The following CAMK1 variants were observed in gnomAD, a reference collection of about 807,000 sequenced individuals.
CAMK1 encodes the protein calcium/calmodulin dependent protein kinase I.
Under a neutral mutation model 49.1 loss-of-function variants are expected in CAMK1, and 39 were observed. The observed-to-expected ratio is 0.79, with a 90% CI of 0.62 to 1.04. The LOEUF is 1.04. Ranked by LOEUF, CAMK1 falls within the 50% of genes least tolerant of loss-of-function variation. The pLI is 0.00. For missense variants in CAMK1, 457 were observed against 472.2 expected (o/e 0.97, Z 0.30); for synonymous variants, 192 against 185.2 (o/e 1.04, Z -0.30).
chr3:9,759,909 C>A (rs1383674102), intron 8 of CAMK1, 159 bp from the exon 9 acceptor site: 19 of 1,186,000 alleles, frequency 1.6e-5, no homozygotes, highest in Admixed American at 9.3e-5. Flanking sequence ...TCTTCAGGCC[C>A]TCCCACCCCG....
At chr3:9,764,628 G>GTTTTTTTTTT (rs55972033) in intron 3 of CAMK1, among the ~76,000 whole-genome samples, 12 of 92,308 alleles carry the variant, frequency 1.3e-4, no homozygotes, top group South Asian at 3.7e-4. Context: ...TTTTTTTTTT[G>GTTTTTTTTTT]TTTTTTTTTT....
chr3:9,757,653 A>AG lies in CAMK1; in HGVS notation c.1031-33dup, dbSNP rs1384964812. 6.2e-7 allele frequency: 1 copy of AG among 1,614,056 alleles called. No individual in the cohort carries two copies. The highest frequency in any genetic ancestry group is 1.1e-5 in the South Asian group (1 of 91,090). ...GGGAAGACAGAACAGAGGTGGCCGC[A>AG]GGGGCAGGCCCTCCACTCCAGCCCG... On this transcript the variant is annotated intron_variant, in intron 11 of 11. Transcript: ENST00000256460. The surrounding 1 kb of genome is among the most constrained non-coding windows in gnomAD (Gnocchi z 4.5).
At position 9,760,761 on chromosome 3, in the gene CAMK1, C is replaced by T. The variant is rs755492997; in HGVS notation, c.640G>A (p.Gly214Ser). The T allele has an allele frequency of 8.7e-6, 14 of 1,613,954 alleles. No individual in the cohort carries two copies. In the South Asian group the frequency reaches 8.8e-5, roughly 10 times the overall value. Residue 214 changes from glycine to serine, a missense_variant, in exon 8 of 12, where the codon GGT becomes AGT. Gly to Ser is a moderately conservative substitution (Grantham distance 56, BLOSUM62 0). Coordinates refer to ENST00000256460, the MANE Select transcript of CAMK1 (RefSeq NM_003656.5). ...IGVIAYILLC[G>S]YPPFYDENDA... The stretch of plus-strand genomic sequence containing the variant: ...TTCTCGTCATAGAAGGGAGGGTAAC[C>T]GCAGAGCCTGGGCAGGGAGAAACTC...
chr3:9,766,789 GT>G (rs1195195259), intron 2 of CAMK1: 2 of 248,518 alleles, frequency 8.0e-6, no homozygotes, highest in East Asian at 3.0e-4. Flanking sequence ...AGTTACTGTA[GT>G]AACCTCATCA....
chr3:9,769,393 C>T (rs567078064), intron 1 of CAMK1, among the ~76,000 whole-genome samples: 1 of 152,126 alleles, frequency 6.6e-6, no homozygotes, highest in Admixed American at 6.5e-5. Flanking sequence ...TTGTACACCC[C>T]CTCCTAACTC....
In CAMK1 at chr3:9,758,882, G is replaced by A. The variant is rs148621728; in HGVS notation, c.912+606C>T. On this transcript the variant is annotated intron_variant, in intron 10 of 11. Coordinates refer to ENST00000256460, the MANE Select transcript of CAMK1 (RefSeq NM_003656.5). ...TGACCTCAGGTGATCCAACCACCTC[G>A]GCCTCCCAAAGTGCTGGGATTACAG... 4.8e-3 allele frequency: 1,738 copies of A among 360,412 alleles called. 8 individuals are homozygous for A. The highest frequency in any genetic ancestry group is 0.013 in the Middle Eastern group (14 of 1,052). 22.3% of individuals were successfully genotyped at this position (360,412 alleles called of 1,614,324 possible). A position where few individuals can be genotyped will look rare whatever the true frequency, so the allele number is the denominator to read the frequency against.
intron 10 of CAMK1, chr3:9,759,237 G>C (rs754655317): frequency 6.2e-7 from 1 of 1,614,172 alleles, no homozygotes; most frequent in Non-Finnish European, 8.5e-7. Flanking sequence ...CCCATAGGCT[G>C]GATCAGATGC....
chr3:9,761,371 G>T, intron 7 of CAMK1, 90 bp downstream of exon 7: 2 of 1,326,736 alleles, frequency 1.5e-6, no homozygotes, highest in South Asian at 2.8e-5. Context: ...AAGGAAGGGA[G>T]GGCAGAGGGA....
At chr3:9,763,979 T>TC (rs746656760) in intron 3 of CAMK1, among the ~76,000 whole-genome samples, 2 of 151,826 alleles carry the variant, frequency 1.3e-5, no homozygotes, top group African/African-American at 2.4e-5. Flanking sequence ...AGAGCAAAAC[T>TC]CCATCTCAAA....
chr3:9,768,451 C>T (rs771688719), intron 1 of CAMK1, among the ~76,000 whole-genome samples: 2 of 152,230 alleles, frequency 1.3e-5, no homozygotes, highest in Non-Finnish European at 2.9e-5. Context: ...CAGCCTGGCC[C>T]TTCCTCTGCT....
intron 2 of CAMK1, 84 bp downstream of exon 2, chr3:9,767,583 G>T: frequency 6.4e-7 from 1 of 1,559,456 alleles, no homozygotes; most frequent in Non-Finnish European, 8.8e-7. Context: ...GTGGGAAACA[G>T]GAAGCATTAA....
chr3:9,767,594 T>C (rs1360544136), intron 2 of CAMK1, 73 bp downstream of exon 2: 2 of 1,585,482 alleles, frequency 1.3e-6, no homozygotes, highest in East Asian at 4.5e-5. Context: ...GAAGCATTAA[T>C]TGACCAGAGG....
chr3:9,761,952 G>A (rs564224182), intron 5 of CAMK1, 195 bp from the exon 6 acceptor site: 1 of 695,492 alleles, frequency 1.4e-6, no homozygotes, highest in Non-Finnish European at 2.3e-6. Flanking sequence ...AAGAGGGTGT[G>A]GGGGGGAACT....
intron 1 of CAMK1, among the ~76,000 whole-genome samples, chr3:9,768,605 C>A (rs2078221391): frequency 6.6e-6 from 1 of 152,220 alleles, no homozygotes; most frequent in South Asian, 2.1e-4. Flanking sequence ...GCTAAGCTTG[C>A]TGAGGGCAAA....
intron 7 of CAMK1, 67 bp downstream of exon 7, chr3:9,761,394 G>T (rs2077862473): frequency 6.6e-7 from 1 of 1,515,922 alleles, no homozygotes; most frequent in African/African-American, 1.4e-5. Flanking sequence ...GCAGAGGAAG[G>T]AAGAGAGGAA....
intron 10 of CAMK1, 200 bp from the exon 11 acceptor site, chr3:9,758,046 T>C (rs890750127): frequency 1.4e-6 from 1 of 704,540 alleles, no homozygotes; most frequent in Non-Finnish European, 2.2e-6. Flanking sequence ...ATATGTTAGA[T>C]GTATGTGTAT....
chr3:9,760,879 C>T, intron 7 of CAMK1, 111 bp from the exon 8 acceptor site: 1 of 1,482,362 alleles, frequency 6.7e-7, no homozygotes, highest in East Asian at 2.5e-5. Context: ...GGAGTTCCCC[C>T]TTTATAAACT....
chr3:9,759,044 C>T (rs1469134830), intron 10 of CAMK1: 3 of 754,562 alleles, frequency 4.0e-6, no homozygotes, highest in African/African-American at 1.7e-5. Context: ...AGAGGCCTGG[C>T]CCCTTACCTG....
rs751335489 is a variant in CAMK1 at position 9,761,550 on chromosome 3, A to T, written c.557-14T>A. The T allele has an allele frequency of 6.2e-7, 1 of 1,613,336 alleles. No homozygotes were observed. The highest frequency in any genetic ancestry group is 2.2e-5 in the East Asian group (1 of 44,840). On this transcript the variant is annotated splice_polypyrimidine_tract_variant and intron_variant, in intron 6 of 11. Coordinates refer to ENST00000256460, the MANE Select transcript of CAMK1 (RefSeq NM_003656.5). ...GGACTTCAGGGGCTGTGGAGGGAAG[A>T]GGACGTGGTGGTGACAAATCTCTGC... is the stretch of plus-strand genomic sequence containing the variant.
Sources: allele counts gnomAD v4.1 joint callset (sites outside exome capture counted in the v4.1 genomes callset), GRCh38; gene constraint gnomAD v4.1.1; non-coding constraint Gnocchi (gnomAD v3.1); transcripts MANE v1.5; gene names NCBI Gene and HGNC (gene_info 2026-07-23, HGNC 2026-07-21).